CTNND1: variants seen among roughly 807,000 people sequenced by gnomAD.
The protein encoded by CTNND1 is catenin delta 1.
CTNND1 carries 16 observed loss-of-function variants against 112.1 expected under a neutral mutation model. That is an observed-to-expected ratio of 0.14 (90% confidence interval 0.10 to 0.22). The LOEUF is 0.22. Ranked by LOEUF, CTNND1 falls within the 10% of genes least tolerant of loss-of-function variation. CTNND1 has a pLI of 1.00. For missense variants in CTNND1, 1,008 were observed against 1,257.0 expected (o/e 0.80, Z 3.00); for synonymous variants, 420 against 446.5 (o/e 0.94, Z 0.75).
chr11:57,785,979 A>G (rs2060088733), intron 1 of CTNND1, among the ~76,000 whole-genome samples: 1 of 152,040 alleles, frequency 6.6e-6, no homozygotes, highest in Admixed American at 6.6e-5. Flanking sequence ...AGTTTTTATC[A>G]TTATCATTGC....
intron 1 of CTNND1, among the ~76,000 whole-genome samples, chr11:57,783,746 G>A (rs1003613112): frequency 6.6e-6 from 1 of 152,154 alleles, no homozygotes; most frequent in East Asian, 1.9e-4. Flanking sequence ...TGGTTGAACC[G>A]GAATATTTCT....
In CTNND1 at chr11:57,816,430, C is replaced by T. The variant is rs2063999506; in HGVS notation, c.*122C>T. 1.6e-6 allele frequency: 2 copies of T among 1,262,544 alleles called. No individual in the cohort carries two copies. Among genetic ancestry groups the T allele is most frequent in the Admixed American group, 3.7e-5 (2 of 54,606 alleles). 78.2% of individuals were successfully genotyped at this position (1,262,544 alleles called of 1,614,324 possible). On this transcript the variant is annotated 3_prime_UTR_variant, in exon 21 of 21. Transcript: ENST00000399050. ...GCCAACTGCCAGGCTGCCTCCTGCC[C>T]TTACAGCCCTAAGTGGCTGCCTTCT...
At chr11:57,762,775 C>G (rs1029161633) in intron 1 of CTNND1, among the ~76,000 whole-genome samples, 1 of 152,158 alleles carries the variant, frequency 6.6e-6, no homozygotes, top group African/African-American at 2.4e-5. Flanking sequence ...CTCCTTCTTC[C>G]TTCTAAACTA....
At chr11:57,799,979 GTTTTTTTTTTTTT>G (rs1157141511) in intron 6 of CTNND1, among the ~76,000 whole-genome samples, 1 of 58,834 alleles carries the variant, frequency 1.7e-5, no homozygotes, top group Non-Finnish European at 3.1e-5. Context: ...TTGTTTCCGT[GTTTTTTTTTTTTT>G]TTTTTTTTTT....
In CTNND1 at chr11:57,808,158, T is replaced by C. The variant is rs373552449; in HGVS notation, c.1964-7T>C. Reference sequence around the variant, plus strand: ...GCACCCTCTGCTTCTATTTCTCTTTTGTGCAGGCTATGAGCTCTTATTTCA... The same window carrying C: ...GCACCCTCTGCTTCTATTTCTCTTTCGTGCAGGCTATGAGCTCTTATTTCA... On this transcript the variant is annotated splice_region_variant and splice_polypyrimidine_tract_variant and intron_variant, in intron 12 of 20. Coordinates refer to ENST00000399050, the MANE Select transcript of CTNND1 (RefSeq NM_001085458.2). The C allele has an allele frequency of 6.2e-7, 1 of 1,604,746 alleles. No individual in the cohort carries two copies. The highest frequency in any genetic ancestry group is 1.3e-5 in the African/African-American group (1 of 74,744).
In CTNND1 at chr11:57,793,999, CTG is replaced by C. The variant is rs1188622318; in HGVS notation, c.196-7_196-6del. On this transcript the variant is annotated splice_polypyrimidine_tract_variant and intron_variant, in intron 3 of 20. Transcript: ENST00000399050. ...ACAAAATGAATTGTCTTCTTGTGGG[CTG>C]TGTTTCAGAACGGCCGGTTTGTGGG... 2 of 1,613,686 alleles carry C rather than the reference CTG, an allele frequency of 1.2e-6. No individual in the cohort carries two copies. Among genetic ancestry groups the C allele is most frequent in the Non-Finnish European group, 1.7e-6 (2 of 1,179,764 alleles).
intron 2 of CTNND1, among the ~76,000 whole-genome samples, chr11:57,790,108 GT>G (rs2060532855): frequency 6.6e-6 from 1 of 152,166 alleles, no homozygotes; most frequent in Non-Finnish European, 1.5e-5. Context: ...TGGAGGCAGA[GT>G]CTCACTCTGT....
Position 57,789,154 on chromosome 11 carries a change from A to T in CTNND1, c.-96A>T, listed in dbSNP as rs1394639461. On this transcript the variant is annotated splice_region_variant and 5_prime_UTR_variant, in exon 2 of 21. Transcript: ENST00000399050. ...CAATCAGTTGCGACCTTCTCTTAACAGGTGTGTATGGAAATATGTTTATTA... is the reference window on the plus strand; with the variant it reads ...CAATCAGTTGCGACCTTCTCTTAACTGGTGTGTATGGAAATATGTTTATTA... 1 of 1,497,366 alleles carries T rather than the reference A, an allele frequency of 6.7e-7. No individual in the cohort carries two copies. The highest frequency in any genetic ancestry group is 8.9e-7 in the Non-Finnish European group (1 of 1,122,396). The allele number at this position is 1,497,366 out of a possible 1,614,324, so 92.8% of individuals were successfully genotyped here. A position where few individuals can be genotyped will look rare whatever the true frequency, so the allele number is the denominator to read the frequency against.
At position 57,815,974 on chromosome 11, in the gene CTNND1, G is replaced by A; in HGVS notation, c.2868G>A (p.Glu956=). 6.3e-7 allele frequency: 1 copy of A among 1,597,474 alleles called. No individual in the cohort carries two copies. The highest frequency in any genetic ancestry group is 1.1e-5 in the South Asian group (1 of 87,540). The part of the protein sequence containing the change: ...EELDVLVLDD[E]GGQVSYPSMQ... ...TGGATGTGTTGGTTTTGGATGATGA[G>A]GGGGGCCAAGTGTCTTACCCCTCCA... The change falls in exon 20 of 21, where the codon GAG becomes GAA. Residue 956 remains glutamate, a synonymous_variant. Coordinates refer to ENST00000399050, the MANE Select transcript of CTNND1 (RefSeq NM_001085458.2).
rs773613029 is a variant in CTNND1, at chr11:57,815,920, C to T, written c.2814C>T (p.Asp938=). Residue 938 remains aspartate (D), a synonymous_variant, in exon 20 of 21, where the codon GAC becomes GAT. Transcript: ENST00000399050. ...CAAATTGCATGTGTTCACAGCAGGA[C>T]GAGGGGCAGGAATCTCTGGAGGAAG... The part of the protein sequence containing the change: ...PLKGTTPLMQ[D]EGQESLEEEL... The T allele has an allele frequency of 1.9e-5, 31 of 1,607,972 alleles. No homozygotes were observed. The South Asian group carries it at 2.1e-4, about 11-fold the overall frequency.
intron 1 of CTNND1, among the ~76,000 whole-genome samples, chr11:57,778,816 C>T (rs188527574): frequency 3.3e-5 from 5 of 152,288 alleles, no homozygotes; most frequent in Admixed American, 3.3e-4. Context: ...CTTTGTGGTT[C>T]TCCTGTGAAA....
rs757443397 is a variant in CTNND1 at position 57,818,062 on chromosome 11, C to T, written c.*1754C>T. ...CCCCCTTCCCATTTCTTCCCACTTT[C>T]ATCTACCTTTTCTGGCAAAAAGGAG... On this transcript the variant is annotated 3_prime_UTR_variant, in exon 21 of 21. Coordinates refer to ENST00000399050, the MANE Select transcript of CTNND1 (RefSeq NM_001085458.2). 1 of 152,496 alleles carries T rather than the reference C, an allele frequency of 6.6e-6. No homozygotes were observed. The highest frequency in any genetic ancestry group is 1.5e-5 in the Non-Finnish European group (1 of 68,032). The allele number at this position is 152,496 out of a possible 1,614,324, so 9.4% of individuals were successfully genotyped here. A position where few individuals can be genotyped will look rare whatever the true frequency, so the allele number is the denominator to read the frequency against.
chr11:57,804,982 TCTG>T (rs921040655), intron 9 of CTNND1, among the ~76,000 whole-genome samples: 107 of 152,328 alleles, frequency 7.0e-4, no homozygotes, highest in African/African-American at 2.5e-3. Flanking sequence ...CACTGCAACT[TCTG>T]CTTCCTGGGT....
chr11:57,803,264 C>A (rs548065629), intron 7 of CTNND1, among the ~76,000 whole-genome samples: 2 of 152,176 alleles, frequency 1.3e-5, no homozygotes, highest in African/African-American at 4.8e-5. Flanking sequence ...CCCGCCACCA[C>A]GCCCGGCTAA....
At chr11:57,804,809 A>G (rs1055241455) in intron 9 of CTNND1, 29 bp downstream of exon 9, 2 of 1,516,740 alleles carry the variant, frequency 1.3e-6, no homozygotes, top group African/African-American at 2.7e-5. Context: ...TTAATGGCTG[A>G]GTGAATTTCA....
intron 2 of CTNND1, among the ~76,000 whole-genome samples, chr11:57,790,385 CTT>C (rs1274143869): frequency 9.3e-5 from 13 of 139,624 alleles, no homozygotes; most frequent in African/African-American, 7.8e-5. Context: ...TTCTTTCTTT[CTT>C]TTTTTTTTTT....
At chr11:57,767,396 G>C (rs1223151730) in intron 1 of CTNND1, among the ~76,000 whole-genome samples, 1 of 152,188 alleles carries the variant, frequency 6.6e-6, no homozygotes, top group East Asian at 1.9e-4. Flanking sequence ...AAACTTGCAG[G>C]AAAGTTGCTC....
intron 1 of CTNND1, among the ~76,000 whole-genome samples, chr11:57,769,572 T>C (rs1337711932): frequency 6.6e-6 from 1 of 152,202 alleles, no homozygotes; most frequent in Admixed American, 6.5e-5. Flanking sequence ...TTTCCTGTTC[T>C]CTGTGGTGTC....
chr11:57,808,409 C>G lies in CTNND1; in HGVS notation c.2111C>G (p.Ser704Cys). The change falls in exon 14 of 21, where the codon TCT becomes TGT. Residue 704 changes from serine (S) to cysteine (C), a missense_variant. Around this residue, in one of 5 missense-constraint regions of CTNND1, gnomAD observed 254 missense variants for 279.5 expected, o/e 0.91. Coordinates refer to ENST00000399050, the MANE Select transcript of CTNND1 (RefSeq NM_001085458.2). Reference sequence around the variant, plus strand: ...TTCTAGTATGGTCGATACATCCGCTCTGCTCTGCGTCAAGAGAAGGCTCTT... The same window carrying G: ...TTCTAGTATGGTCGATACATCCGCTGTGCTCTGCGTCAAGAGAAGGCTCTT... ...GRWTYGRYIR[S>C]ALRQEKALSA... 1 of 1,611,438 alleles carries G rather than the reference C, an allele frequency of 6.2e-7. No homozygotes were observed. Among genetic ancestry groups the G allele is most frequent in the Non-Finnish European group, 8.5e-7 (1 of 1,178,380 alleles).
Sources: allele counts gnomAD v4.1 joint callset (sites outside exome capture counted in the v4.1 genomes callset), GRCh38; gene constraint gnomAD v4.1.1; regional missense constraint gnomAD v4.1.1; transcripts MANE v1.5; gene names NCBI Gene and HGNC (gene_info 2026-07-23, HGNC 2026-07-21).